DENND4C: variants seen among roughly 807,000 people sequenced by gnomAD.
DENND4C encodes DENN domain containing 4C.
A neutral mutation model predicts 203.0 loss-of-function variants in DENND4C; 108 were observed. The ratio of observed to expected loss-of-function variants is 0.53; its 90% CI spans 0.46 to 0.62. The LOEUF (loss-of-function observed/expected upper bound fraction) is 0.62. DENND4C is among the 20% of genes least tolerant of loss of function. The pLI is 0.00. For synonymous variants in DENND4C, 871 were observed against 792.4 expected, an observed-to-expected ratio of 1.10 and a Z score of -1.67; for missense variants, 2,481 against 2,301.2, an observed-to-expected ratio of 1.08 and a Z score of -1.60.
intron 22 of DENND4C, among the ~76,000 whole-genome samples, chr9:19,343,346 G>C (rs1326945775): frequency 6.6e-6 from 1 of 151,988 alleles, no homozygotes; most frequent in East Asian, 1.9e-4. Context: ...TATATATATA[G>C]GTCTCCCAAG....
At chr9:19,264,141 G>C (rs1312586862) in intron 1 of DENND4C, among the ~76,000 whole-genome samples, 1 of 152,060 alleles carries the variant, frequency 6.6e-6, no homozygotes, top group Non-Finnish European at 1.5e-5. Flanking sequence ...GGCTTTTCTT[G>C]GCTGGGAGAC....
intron 23 of DENND4C, among the ~76,000 whole-genome samples, chr9:19,349,240 A>G (rs946524708): frequency 1.3e-5 from 2 of 152,016 alleles, no homozygotes; most frequent in African/African-American, 2.4e-5. Flanking sequence ...AACCCCATCT[A>G]TACAAAAAAA....
At chr9:19,271,829 A>G (rs1381647178) in intron 1 of DENND4C, among the ~76,000 whole-genome samples, 2 of 150,330 alleles carry the variant, frequency 1.3e-5, no homozygotes, top group South Asian at 4.2e-4. Context: ...AGATCGCGCC[A>G]TTGCACTCCA....
intron 5 of DENND4C, among the ~76,000 whole-genome samples, chr9:19,294,957 C>G (rs1243768002): frequency 2.0e-5 from 3 of 152,290 alleles, no homozygotes; most frequent in African/African-American, 7.2e-5. Context: ...GAAAAAAGTT[C>G]TGGAAATGAA....
chr9:19,264,521 G>GGTCTT (rs1308224934), intron 1 of DENND4C, among the ~76,000 whole-genome samples: 1 of 151,828 alleles, frequency 6.6e-6, no homozygotes, highest in African/African-American at 2.4e-5. Context: ...TGGCCAGGCT[G>GGTCTT]GTCTTGAACT....
At chr9:19,287,616 G>A in intron 3 of DENND4C, among the ~76,000 whole-genome samples, 1 of 152,050 alleles carries the variant, frequency 6.6e-6, no homozygotes, top group East Asian at 1.9e-4. Flanking sequence ...CAAAGTGTTG[G>A]AATTACAGGC....
chr9:19,276,007 T>C (rs558816879), intron 1 of DENND4C, among the ~76,000 whole-genome samples, 151 bp from the exon 2 acceptor site: 2 of 152,364 alleles, frequency 1.3e-5, no homozygotes, highest in Admixed American at 1.3e-4. Context: ...ACTGACAAGA[T>C]GATAAAAGCA....
chr9:19,312,396 C>T (rs1402590725), intron 10 of DENND4C, among the ~76,000 whole-genome samples: 1 of 152,144 alleles, frequency 6.6e-6, no homozygotes, highest in Non-Finnish European at 1.5e-5. Context: ...AGCCACCATG[C>T]CCGGCTACAA....
chr9:19,273,431 G>A (rs1832190656), intron 1 of DENND4C, among the ~76,000 whole-genome samples: 1 of 151,912 alleles, frequency 6.6e-6, no homozygotes, highest in African/African-American at 2.4e-5. Context: ...TAAGAGAATA[G>A]GTTAATAAAT....
intron 1 of DENND4C, among the ~76,000 whole-genome samples, chr9:19,271,249 G>T (rs1435095068): frequency 2.7e-5 from 4 of 148,380 alleles, no homozygotes; most frequent in African/African-American, 1.0e-4. Flanking sequence ...ACCCAGGTTG[G>T]AATGCAGTGG....
chr9:19,315,608 T>C (rs896803775), intron 10 of DENND4C, among the ~76,000 whole-genome samples: 14 of 151,214 alleles, frequency 9.3e-5, no homozygotes, highest in East Asian at 1.9e-4. Flanking sequence ...TGTATATATA[T>C]ACACACACAC....
chr9:19,336,733 G>A lies in DENND4C; in HGVS notation c.2782G>A (p.Gly928Ser), dbSNP rs746386481. 2.6e-5 allele frequency: 40 copies of A among 1,550,920 alleles called. No homozygotes were observed. Among genetic ancestry groups the A allele is most frequent in the African/African-American group, 1.8e-4 (13 of 73,016 alleles). Residue 928 changes from glycine to serine, a missense_variant, in exon 20 of 33, where the codon GGT (glycine) becomes AGT (serine). Around this residue, in one of 3 missense-constraint regions of DENND4C, gnomAD observed 2,289 missense variants for 2,113.3 expected, o/e 1.08. Transcript: ENST00000434457. ...GGSDGDTVSH[G>S]SVDSSNDANN... ...AAGTGATGGGGACACGGTGAGCCAC[G>A]GTAGTGTGGATAGTTCTAATGATGC... is the stretch of plus-strand genomic sequence containing the variant.
At chr9:19,365,226 C>G (rs1295435399) in intron 30 of DENND4C, among the ~76,000 whole-genome samples, 1 of 152,152 alleles carries the variant, frequency 6.6e-6, no homozygotes, top group Non-Finnish European at 1.5e-5. Flanking sequence ...GGATTTATCT[C>G]AAGCATGCAA....
At chr9:19,319,383 T>TATATATACATATATATATACACACAC (rs1842464856) in intron 12 of DENND4C, among the ~76,000 whole-genome samples, 2 of 133,350 alleles carry the variant, frequency 1.5e-5, no homozygotes, top group African/African-American at 6.8e-5. Flanking sequence ...TACACATACA[T>TATATATACATATATATATACACACAC]ATATATATAC....
At chr9:19,359,211 A>G (rs899065916) in intron 28 of DENND4C, among the ~76,000 whole-genome samples, 2 of 151,782 alleles carry the variant, frequency 1.3e-5, no homozygotes, top group African/African-American at 2.4e-5. Flanking sequence ...ATAGGGTATC[A>G]TTATGAGCTC....
chr9:19,250,369 A>G (rs1430057463), intron 1 of DENND4C, among the ~76,000 whole-genome samples: 1 of 152,074 alleles, frequency 6.6e-6, no homozygotes, highest in African/African-American at 2.4e-5. Flanking sequence ...GCTTGAACCC[A>G]GGAGGTGGAG....
At chr9:19,231,989 C>G (rs1353404067) in intron 1 of DENND4C, among the ~76,000 whole-genome samples, 1 of 152,144 alleles carries the variant, frequency 6.6e-6, no homozygotes, top group Admixed American at 6.5e-5. Context: ...ATTACTCTAT[C>G]AGAAATGCAG....
intron 3 of DENND4C, 65 bp downstream of exon 3, chr9:19,287,086 C>A: frequency 8.3e-7 from 1 of 1,207,722 alleles, no homozygotes; most frequent in South Asian, 4.3e-5. Flanking sequence ...TTTTGGATTC[C>A]TGTTTACTGT....
In DENND4C at chr9:19,352,421, C is replaced by A; in HGVS notation, c.4606-69C>A. ...AGTAGAATAAAAAAAATCCCATTATCTCAAGAGAATTCCTGTTAAGATTAA... is the reference window on the plus strand; with the variant it reads ...AGTAGAATAAAAAAAATCCCATTATATCAAGAGAATTCCTGTTAAGATTAA... On this transcript the variant is annotated intron_variant, in intron 25 of 32. Transcript: ENST00000434457. 5 of 1,426,236 alleles carry A rather than the reference C, an allele frequency of 3.5e-6. No homozygotes were observed. In the South Asian group the frequency reaches 6.1e-5, roughly 17 times the overall value. 88.3% of individuals were successfully genotyped at this position (1,426,236 alleles called of 1,614,324 possible).
Sources: allele counts gnomAD v4.1 joint callset (sites outside exome capture counted in the v4.1 genomes callset), GRCh38; gene constraint gnomAD v4.1.1; regional missense constraint gnomAD v4.1.1; transcripts MANE v1.5; gene names NCBI Gene and HGNC (gene_info 2026-07-23, HGNC 2026-07-21).